Variants in NCKAP5 observed in about 807,000 individuals in gnomAD.
NCKAP5 encodes the protein nck-associated protein 5.
Under a neutral mutation model 167.0 loss-of-function variants are expected in NCKAP5, and 92 were observed. That is an observed-to-expected ratio of 0.55 (90% CI 0.47 to 0.66). The LOEUF is 0.66. Among genes scored for constraint, NCKAP5 ranks in the 30% least tolerant of loss-of-function variants. NCKAP5 has a pLI of 0.00. For synonymous variants in NCKAP5, 891 were observed against 877.4 expected (o/e 1.02, Z -0.27); for missense variants, 2,378 against 2,315.0 (o/e 1.03, Z -0.56).
chr2:133,102,918 C>T (rs1288617879), intron 6 of NCKAP5, among the ~76,000 whole-genome samples: 7 of 152,258 alleles, frequency 4.6e-5, no homozygotes, highest in South Asian at 2.1e-4. Flanking sequence ...AGGAGACTTT[C>T]GAAATGCCAC....
intron 3 of NCKAP5, among the ~76,000 whole-genome samples, chr2:133,462,036 A>C (rs916936422): frequency 2.0e-5 from 3 of 152,218 alleles, no homozygotes; most frequent in African/African-American, 7.2e-5. Context: ...ATAATTTTGC[A>C]GGAATGTTTT....
In NCKAP5 at chr2:132,781,838, A is replaced by G. The variant is rs1368765745; in HGVS notation, c.4871+102T>C. On this transcript the variant is annotated intron_variant, in intron 14 of 19. Coordinates refer to ENST00000409261, the MANE Select transcript of NCKAP5 (RefSeq NM_207363.3). The stretch of plus-strand genomic sequence containing the variant: ...TACTATTCATTTCTGCCTGTATGAA[A>G]AAACATGCTTGACTGGCCTTTAATG... 1.2e-5 allele frequency: 14 copies of G among 1,133,624 alleles called. No homozygotes were observed. In the African/African-American group the frequency reaches 1.9e-4, roughly 15 times the overall value. 70.2% of individuals were successfully genotyped at this position (1,133,624 alleles called of 1,614,324 possible). A position where few individuals can be genotyped will look rare whatever the true frequency, so the allele number is the denominator to read the frequency against.
At chr2:133,498,533 C>G (rs1682181018) in intron 3 of NCKAP5, among the ~76,000 whole-genome samples, 1 of 93,816 alleles carries the variant, frequency 1.1e-5, no homozygotes, top group Non-Finnish European at 2.0e-5. Context: ...AAAAGGGCGG[C>G]AGGGAGGAAG....
chr2:133,553,255 C>T (rs749952786), intron 2 of NCKAP5, among the ~76,000 whole-genome samples: 2 of 152,176 alleles, frequency 1.3e-5, no homozygotes, highest in African/African-American at 2.4e-5. Flanking sequence ...GGCAGTAAAT[C>T]GCACTGGGCG....
chr2:133,265,470 G>C (rs2089148673), intron 4 of NCKAP5, among the ~76,000 whole-genome samples: 1 of 152,234 alleles, frequency 6.6e-6, no homozygotes, highest in Admixed American at 6.5e-5. Flanking sequence ...CAGCAGCAGA[G>C]AGGGCCTTGC....
intron 5 of NCKAP5, among the ~76,000 whole-genome samples, chr2:133,212,272 T>C (rs1037060907): frequency 1.3e-5 from 2 of 152,312 alleles, no homozygotes; most frequent in South Asian, 4.1e-4. Flanking sequence ...CATTTTGAAA[T>C]GCAGTGAAAA....
intron 6 of NCKAP5, among the ~76,000 whole-genome samples, chr2:133,005,219 G>A (rs1342439148): frequency 6.6e-6 from 1 of 152,192 alleles, no homozygotes; most frequent in African/African-American, 2.4e-5. Context: ...GATTGGGGAA[G>A]TGATAAATGT....
At chr2:132,869,022 T>C (rs1274168537) in intron 9 of NCKAP5, 48 bp from the exon 10 acceptor site, 8 of 1,335,910 alleles carry the variant, frequency 6.0e-6, no homozygotes, top group Non-Finnish European at 7.2e-6. Context: ...TGAGACTTTA[T>C]ATGCACCGAC....
chr2:133,192,244 C>T lies in NCKAP5; in HGVS notation c.207+21472G>A, dbSNP rs138679573. 1.5e-3 allele frequency among the ~76,000 whole-genome samples: 232 copies of T among 152,130 alleles called. 1 individual carries two copies. Among genetic ancestry groups the T allele is most frequent in the South Asian group, 9.3e-3 (45 of 4,824 alleles). On this transcript the variant is annotated intron_variant, in intron 5 of 19. Coordinates refer to ENST00000409261, the MANE Select transcript of NCKAP5 (RefSeq NM_207363.3). ...GGAAAAATTGGCCATCTATAGGCAA[C>T]AAAAAGAACTTCAACCTAAGTCTTA... is the stretch of plus-strand genomic sequence containing the variant.
chr2:133,025,682 T>C (rs2078672774), intron 6 of NCKAP5, among the ~76,000 whole-genome samples: 2 of 152,108 alleles, frequency 1.3e-5, no homozygotes, highest in Admixed American at 1.3e-4. Flanking sequence ...CAAATAACTA[T>C]AGCCTGGGAT....
chr2:132,824,816 G>A (rs1687011076), intron 11 of NCKAP5, among the ~76,000 whole-genome samples: 1 of 152,138 alleles, frequency 6.6e-6, no homozygotes, highest in South Asian at 2.1e-4. Flanking sequence ...GATGGTGGCT[G>A]GTCCATCAGC....
chr2:133,001,486 A>C (rs2077779781), intron 6 of NCKAP5, among the ~76,000 whole-genome samples: 1 of 152,166 alleles, frequency 6.6e-6, no homozygotes, highest in Non-Finnish European at 1.5e-5. Context: ...CTGGGATTAC[A>C]GTAGACTTAC....
At chr2:133,644,949 T>C in the NCKAP5 span, among the ~76,000 whole-genome samples, 1,680 of 152,202 alleles carry the variant, frequency 0.011, 30 homozygotes, top group African/African-American at 0.039. Flanking sequence ...AAATGAGAAA[T>C]CTATGACCAT....
At chr2:133,173,910 T>C (rs900103445) in intron 5 of NCKAP5, among the ~76,000 whole-genome samples, 1 of 152,232 alleles carries the variant, frequency 6.6e-6, no homozygotes, top group African/African-American at 2.4e-5. Context: ...ACGACAGATA[T>C]ATGAGACATT....
At chr2:132,937,930 C>T (rs1280634037) in intron 8 of NCKAP5, among the ~76,000 whole-genome samples, 1 of 152,172 alleles carries the variant, frequency 6.6e-6, no homozygotes, top group Admixed American at 6.5e-5. Flanking sequence ...TGATGCACTG[C>T]CATATTTGCT....
rs540154452 is a variant in NCKAP5, at chr2:133,373,243, G to A, written c.70-70133C>T. The stretch of plus-strand genomic sequence containing the variant: ...CTGGCTAATTTTTGTATTTTTATTA[G>A]AGACAGGGTTTCACCATGTTGGTCA... On this transcript the variant is annotated intron_variant, in intron 3 of 19. Coordinates refer to ENST00000409261, the MANE Select transcript of NCKAP5 (RefSeq NM_207363.3). Among the ~76,000 whole-genome samples, 7 of 152,082 alleles carry A rather than the reference G, an allele frequency of 4.6e-5. No individual in the cohort carries two copies. In the East Asian group the frequency reaches 1.4e-3, roughly 29 times the overall value.
intron 3 of NCKAP5, among the ~76,000 whole-genome samples, chr2:133,365,364 C>A (rs1057160974): frequency 6.6e-6 from 1 of 152,116 alleles, no homozygotes; most frequent in Non-Finnish European, 1.5e-5. Flanking sequence ...TATCTCTGAG[C>A]CCCATATGAC....
intron 6 of NCKAP5, among the ~76,000 whole-genome samples, chr2:133,061,920 G>A (rs2080019746): frequency 6.6e-6 from 1 of 152,000 alleles, no homozygotes; most frequent in African/African-American, 2.4e-5. Flanking sequence ...ATTTAAAACT[G>A]ACAGTGCAAC....
intron 11 of NCKAP5, among the ~76,000 whole-genome samples, chr2:132,818,260 C>T (rs79966692): frequency 6.6e-6 from 1 of 152,212 alleles, no homozygotes; most frequent in Non-Finnish European, 1.5e-5. Flanking sequence ...CCATACCCAG[C>T]CCTAATGCTA....
Sources: gnomAD v4.1 joint callset for allele counts (sites outside exome capture counted in the v4.1 genomes callset) on GRCh38, gnomAD v4.1.1 for gene constraint, MANE v1.5 for transcripts, NCBI Gene and HGNC (gene_info 2026-07-23, HGNC 2026-07-21) for gene names.